Variants in TRAPPC9 observed in about 807,000 individuals in gnomAD.
TRAPPC9 encodes the protein trafficking protein particle complex subunit 9.
A neutral mutation model predicts 124.0 loss-of-function variants in TRAPPC9; 83 were observed. That is an observed-to-expected ratio of 0.67 (90% CI 0.56 to 0.80). The LOEUF (loss-of-function observed/expected upper bound fraction) is 0.80, where lower values mean the gene tolerates loss of function less well. Among genes scored for constraint, TRAPPC9 ranks in the 30% least tolerant of loss-of-function variants. The pLI, the probability that TRAPPC9 is intolerant of heterozygous loss-of-function variation, is 0.00. For synonymous variants in TRAPPC9, 638 were observed against 617.5 expected, an observed-to-expected ratio of 1.03 and a Z score of -0.49; for missense variants, 1,302 against 1,508.3, an observed-to-expected ratio of 0.86 and a Z score of 2.27.
intron 21 of TRAPPC9, among the ~76,000 whole-genome samples, chr8:139,803,784 T>C (rs1192344229): frequency 6.6e-6 from 1 of 152,202 alleles, no homozygotes; most frequent in Non-Finnish European, 1.5e-5. Flanking sequence ...GCTGTCTAGT[T>C]TCTTTTCTCA....
intron 15 of TRAPPC9, among the ~76,000 whole-genome samples, chr8:140,271,215 C>T (rs2064867827): frequency 6.6e-6 from 1 of 152,182 alleles, no homozygotes; most frequent in Non-Finnish European, 1.5e-5. Flanking sequence ...CAGAGAAGCA[C>T]TTTCTACCTC....
chr8:139,790,529 G>A (rs1822587075), intron 21 of TRAPPC9, among the ~76,000 whole-genome samples: 2 of 152,206 alleles, frequency 1.3e-5, no homozygotes, highest in Admixed American at 6.5e-5. Context: ...CAAGGGGTTG[G>A]GGTTCTCACC....
Position 140,210,392 on chromosome 8 carries a change from G to A in TRAPPC9, c.2556+11067C>T, listed in dbSNP as rs534526153. ...CAGGGCCCAGCACCAAGTGAGCATC[G>A]GAAAATGCTGGACAGGACACTGTGG... On this transcript the variant is annotated intron_variant, in intron 17 of 22. Coordinates refer to ENST00000438773, the MANE Select transcript of TRAPPC9 (RefSeq NM_001160372.4). 5.3e-5 allele frequency among the ~76,000 whole-genome samples: 8 copies of A among 152,326 alleles called. No homozygotes were observed. In the South Asian group the frequency reaches 1.7e-3, roughly 32 times the overall value.
intron 9 of TRAPPC9, among the ~76,000 whole-genome samples, chr8:140,355,906 C>G (rs573940727): frequency 6.6e-6 from 1 of 152,244 alleles, no homozygotes; most frequent in African/African-American, 2.4e-5. Context: ...TACAGATCAC[C>G]CTTTTTGAAA....
At chr8:139,780,496 A>G (rs1032579171) in intron 21 of TRAPPC9, among the ~76,000 whole-genome samples, 1 of 152,204 alleles carries the variant, frequency 6.6e-6, no homozygotes, top group East Asian at 1.9e-4. Flanking sequence ...TAATCTAGAC[A>G]TAGACTTTAT....
intron 16 of TRAPPC9, among the ~76,000 whole-genome samples, chr8:140,228,991 A>G (rs928708076): frequency 2.6e-5 from 4 of 152,238 alleles, no homozygotes; most frequent in African/African-American, 9.6e-5. Context: ...AAGAAAATTC[A>G]TCTGCTACAC....
chr8:140,165,636 AG>A (rs199592872), intron 17 of TRAPPC9, among the ~76,000 whole-genome samples: 698 of 22,692 alleles, frequency 0.031, 10 homozygotes, highest in African/African-American at 0.1. Flanking sequence ...AGCAAAGGGG[AG>A]GGGGGGATGC....
At chr8:140,051,583 T>G (rs1347881311) in intron 17 of TRAPPC9, among the ~76,000 whole-genome samples, 9 of 149,402 alleles carry the variant, frequency 6.0e-5, no homozygotes, top group African/African-American at 2.2e-4. Flanking sequence ...ATTCTTTTTT[T>G]TTTTTTTTTT....
chr8:139,857,032 G>C (rs986656426), intron 21 of TRAPPC9, among the ~76,000 whole-genome samples: 1 of 152,038 alleles, frequency 6.6e-6, no homozygotes, highest in Non-Finnish European at 1.5e-5. Flanking sequence ...CAGTCGGGAC[G>C]CCCTGGGAAT....
chr8:139,869,895 T>C (rs1828788818), intron 21 of TRAPPC9, among the ~76,000 whole-genome samples: 1 of 151,870 alleles, frequency 6.6e-6, no homozygotes. Flanking sequence ...TTCTAGAACA[T>C]GGAAAAGAGT....
chr8:139,938,643 A>ATT (rs943236445), intron 19 of TRAPPC9, among the ~76,000 whole-genome samples: 1 of 139,016 alleles, frequency 7.2e-6, no homozygotes. Context: ...TACCCGATTA[A>ATT]TTTTTTTTTT....
intron 21 of TRAPPC9, among the ~76,000 whole-genome samples, chr8:139,839,933 C>T (rs537209570): frequency 2.0e-5 from 3 of 152,350 alleles, no homozygotes; most frequent in African/African-American, 7.2e-5. Context: ...ACAGACTTCA[C>T]TTTCTGAGAC....
intron 17 of TRAPPC9, among the ~76,000 whole-genome samples, chr8:140,152,483 C>T (rs991661148): frequency 1.3e-5 from 2 of 150,976 alleles, no homozygotes; most frequent in Non-Finnish European, 2.9e-5. Context: ...GCCTCAGCCT[C>T]CCAAGTAGAT....
chr8:139,842,260 A>AT (rs1465669311), intron 21 of TRAPPC9, among the ~76,000 whole-genome samples: 1 of 151,994 alleles, frequency 6.6e-6, no homozygotes, highest in East Asian at 1.9e-4. Context: ...GGCCTTGGGG[A>AT]TTTTTCTCCT....
intron 9 of TRAPPC9, among the ~76,000 whole-genome samples, chr8:140,335,366 T>C (rs558724702): frequency 6.6e-6 from 1 of 152,120 alleles, no homozygotes; most frequent in African/African-American, 2.4e-5. Context: ...TGAGAGAAAC[T>C]CAGGCATTAG....
At chr8:139,912,375 T>C (rs886440955) in intron 19 of TRAPPC9, among the ~76,000 whole-genome samples, 6 of 152,198 alleles carry the variant, frequency 3.9e-5, no homozygotes, top group African/African-American at 1.4e-4. Flanking sequence ...TATCATAGCC[T>C]ACAGAATGGT....
chr8:139,750,083 G>T (rs767247199), intron 21 of TRAPPC9, among the ~76,000 whole-genome samples: 48 of 152,242 alleles, frequency 3.2e-4, no homozygotes, highest in Admixed American at 2.3e-3. Flanking sequence ...GAGTGGTGGG[G>T]GCTGGATACA....
At chr8:140,159,173 C>T (rs1307277621) in intron 17 of TRAPPC9, among the ~76,000 whole-genome samples, 1 of 152,202 alleles carries the variant, frequency 6.6e-6, no homozygotes, top group Non-Finnish European at 1.5e-5. Flanking sequence ...TCTTCCTCTG[C>T]CTTTTTCTTT....
intron 5 of TRAPPC9, among the ~76,000 whole-genome samples, chr8:140,414,318 G>A (rs1378311855): frequency 6.6e-6 from 1 of 152,192 alleles, no homozygotes; most frequent in African/African-American, 2.4e-5. Flanking sequence ...AAGATCACTT[G>A]AGCCTAGGAG....
Sources: gnomAD v4.1 joint callset for allele counts (sites outside exome capture counted in the v4.1 genomes callset) on GRCh38, gnomAD v4.1.1 for gene constraint, MANE v1.5 for transcripts, NCBI Gene and HGNC (gene_info 2026-07-23, HGNC 2026-07-21) for gene names.